The following TMEM254 variants were observed in gnomAD, a reference collection of about 807,000 sequenced individuals.
TMEM254 encodes transmembrane protein C10orf57.
TMEM254 carries 16 observed loss-of-function variants against 13.9 expected under a neutral mutation model. The observed-to-expected ratio is 1.15, with a 90% CI of 0.78 to 1.75. TMEM254 has a LOEUF of 1.75. Ranked by LOEUF, TMEM254 falls within the 40% of genes most tolerant of loss-of-function variation. The pLI, the probability that TMEM254 is intolerant of heterozygous loss-of-function variation, is 0.00. For synonymous variants in TMEM254, 61 were observed against 56.4 expected (o/e 1.08, Z -0.36); for missense variants, 155 against 149.0 (o/e 1.04, Z -0.21).
chr10:80,079,939 A>C (rs907265442), intron 1 of TMEM254, among the ~76,000 whole-genome samples: 1 of 152,220 alleles, frequency 6.6e-6, no homozygotes, highest in African/African-American at 2.4e-5. Flanking sequence ...TAAGGTGGTA[A>C]AATTTTGAAG....
At chr10:80,089,520 A>C (rs1589389598) in intron 3 of TMEM254, among the ~76,000 whole-genome samples, 1 of 152,196 alleles carries the variant, frequency 6.6e-6, no homozygotes, top group East Asian at 1.9e-4. Flanking sequence ...AAAACAAACA[A>C]AAAACCTAGC....
intron 1 of TMEM254, chr10:80,079,173 G>A: frequency 7.6e-7 from 1 of 1,309,306 alleles, no homozygotes; most frequent in Non-Finnish European, 1.0e-6. Context: ...CCTGGGGCTG[G>A]GCTACTTCGC....
At position 80,091,783 on chromosome 10, in the gene TMEM254, A is replaced by G. The variant is rs1022123693; in HGVS notation, c.*866A>G. The G allele has an allele frequency of 7.9e-5, 12 of 152,210 alleles. No homozygotes were observed. Among genetic ancestry groups the G allele is most frequent in the Non-Finnish European group, 1.8e-4 (12 of 68,038 alleles). The allele number at this position is 152,210 out of a possible 1,614,324, so 9.4% of individuals were successfully genotyped here. On this transcript the variant is annotated 3_prime_UTR_variant, in exon 4 of 4. Transcript: ENST00000372281. ...AAACTGATTTCACTTTCACTTGTTC[A>G]TTATCATTCCAATTTTTATGTGAAA...
chr10:80,083,644 C>T (rs530556581), intron 3 of TMEM254, among the ~76,000 whole-genome samples: 1 of 152,298 alleles, frequency 6.6e-6, no homozygotes, highest in Non-Finnish European at 1.5e-5. Flanking sequence ...CCAGCTGGGG[C>T]TCAGGAGCCT....
intron 1 of TMEM254, 114 bp from the exon 2 acceptor site, chr10:80,081,727 T>C (rs1283764418): frequency 1.2e-6 from 2 of 1,608,550 alleles, no homozygotes; most frequent in Non-Finnish European, 1.7e-6. Flanking sequence ...CTGTTCAGAG[T>C]TTCTTCGGTC....
chr10:80,088,449 T>C (rs1383947226), intron 3 of TMEM254, among the ~76,000 whole-genome samples: 1 of 152,010 alleles, frequency 6.6e-6, no homozygotes, highest in African/African-American at 2.4e-5. Context: ...TTTCTTTTTT[T>C]TTTCCTTAAG....
chr10:80,092,064 T>C lies in TMEM254; in HGVS notation c.*1147T>C, dbSNP rs1353675053. 6.6e-6 allele frequency: 1 copy of C among 152,206 alleles called. No homozygotes were observed. Among genetic ancestry groups the C allele is most frequent in the African/African-American group, 2.4e-5 (1 of 41,452 alleles). 9.4% of individuals were successfully genotyped at this position (152,206 alleles called of 1,614,324 possible). ...CTCCTGTTCACTTAGTTATACTTTA[T>C]TATTGCTCACAGGCTGGGGAGGCAG... is the stretch of plus-strand genomic sequence containing the variant. On this transcript the variant is annotated 3_prime_UTR_variant, in exon 4 of 4. Coordinates refer to ENST00000372281, the MANE Select transcript of TMEM254 (RefSeq NM_025125.4).
At chr10:80,082,293 T>G (rs1384569267) in intron 3 of TMEM254, 89 bp downstream of exon 3, 5 of 1,454,340 alleles carry the variant, frequency 3.4e-6, no homozygotes, top group Non-Finnish European at 4.8e-6. Flanking sequence ...CACACACTTG[T>G]AGGCTGAGAA....
chr10:80,084,717 C>T (rs1193943260), intron 3 of TMEM254, among the ~76,000 whole-genome samples: 1 of 152,270 alleles, frequency 6.6e-6, no homozygotes, highest in African/African-American at 2.4e-5. Flanking sequence ...TGGAAGTGTC[C>T]GGTCCAGCCC....
At chr10:80,083,278 A>G (rs1391697016) in intron 3 of TMEM254, among the ~76,000 whole-genome samples, 1 of 151,848 alleles carries the variant, frequency 6.6e-6, no homozygotes, top group Non-Finnish European at 1.5e-5. Context: ...TAATTTTTGT[A>G]TTTTTATTAG....
chr10:80,082,999 A>G (rs1303844824), intron 3 of TMEM254, among the ~76,000 whole-genome samples: 1 of 152,076 alleles, frequency 6.6e-6, no homozygotes, highest in Non-Finnish European at 1.5e-5. Flanking sequence ...CTATGTTTCA[A>G]TAATAAAAAT....
intron 1 of TMEM254, chr10:80,081,582 G>C: frequency 1.8e-6 from 2 of 1,085,198 alleles, no homozygotes; most frequent in Non-Finnish European, 2.7e-6. Flanking sequence ...GTGGGAGGAT[G>C]GATTGAGCCC....
rs543593842 is a variant in TMEM254 at position 80,079,460 on chromosome 10, C to A, written c.87+674C>A. 2.0e-4 allele frequency: 206 copies of A among 1,050,214 alleles called. 3 individuals carry two copies. The South Asian group carries it at 5.8e-3, about 29-fold the overall frequency. The allele number at this position is 1,050,214 out of a possible 1,614,324, so 65.1% of individuals were successfully genotyped here. ...AGTTAACAGACTGCCATAGGCCTGC[C>A]AAGTCAGAATAGGGCTTCCGAAGCA... is the stretch of plus-strand genomic sequence containing the variant. On this transcript the variant is annotated intron_variant, in intron 1 of 3. Transcript: ENST00000372281.
At chr10:80,088,310 G>A (rs1285301468) in intron 3 of TMEM254, among the ~76,000 whole-genome samples, 1 of 152,038 alleles carries the variant, frequency 6.6e-6, no homozygotes, top group Non-Finnish European at 1.5e-5. Context: ...GATTGCCTTT[G>A]CCTACACCTT....
At chr10:80,079,316 A>G in intron 1 of TMEM254, 1 of 1,199,406 alleles carries the variant, frequency 8.3e-7, no homozygotes, top group Non-Finnish European at 1.1e-6. Flanking sequence ...ATGTAAGCGG[A>G]AATTCGGTGG....
At chr10:80,083,674 A>C (rs1186747555) in intron 3 of TMEM254, among the ~76,000 whole-genome samples, 1 of 152,190 alleles carries the variant, frequency 6.6e-6, no homozygotes, top group Non-Finnish European at 1.5e-5. Flanking sequence ...AGAAGGGTGC[A>C]GTTGATATCT....
At chr10:80,090,687 A>G (rs1400777307) in intron 3 of TMEM254, 110 bp from the exon 4 acceptor site, 6 of 1,017,136 alleles carry the variant, frequency 5.9e-6, no homozygotes, top group Middle Eastern at 3.3e-4. Context: ...AATAAACCCA[A>G]TGAAAGTAGT....
chr10:80,079,781 C>T lies in TMEM254; in HGVS notation c.87+995C>T, dbSNP rs1053219282. The stretch of plus-strand genomic sequence containing the variant: ...AGGCTGGAGTGCAGTGGGGCGATCT[C>T]GGCTCACTGCAACCTCTGCTTCCCA... On this transcript the variant is annotated intron_variant, in intron 1 of 3. Coordinates refer to ENST00000372281, the MANE Select transcript of TMEM254 (RefSeq NM_025125.4). The T allele has an allele frequency of 1.8e-4, 138 of 778,726 alleles. 1 individual carries two copies. Among genetic ancestry groups the T allele is most frequent in the Non-Finnish European group, 2.0e-4 (130 of 641,468 alleles). The allele number at this position is 778,726 out of a possible 1,614,324, so 48.2% of individuals were successfully genotyped here.
intron 3 of TMEM254, among the ~76,000 whole-genome samples, chr10:80,084,885 G>C (rs574588210): frequency 5.7e-4 from 87 of 152,014 alleles, no homozygotes; most frequent in Non-Finnish European, 8.2e-4. Flanking sequence ...GAGTGCAGTG[G>C]TGCAATCTCA....
Sources: allele counts gnomAD v4.1 joint callset (sites outside exome capture counted in the v4.1 genomes callset), GRCh38; gene constraint gnomAD v4.1.1; transcripts MANE v1.5; gene names NCBI Gene and HGNC (gene_info 2026-07-23, HGNC 2026-07-21).